The following ARL8B variants were observed in gnomAD, a reference collection of about 807,000 sequenced individuals.
The protein encoded by ARL8B is ARF like GTPase 8B.
In ARL8B, 9 loss-of-function variants were observed where a neutral mutation model predicts 30.6. The observed-to-expected ratio is 0.29, with a 90% CI of 0.18 to 0.51. The LOEUF is 0.51. ARL8B is among the 20% of genes least tolerant of loss of function. The pLI is 0.97. For synonymous variants in ARL8B, 74 were observed against 76.0 expected, an observed-to-expected ratio of 0.97 and a Z score of 0.14; for missense variants, 130 against 227.2, an observed-to-expected ratio of 0.57 and a Z score of 2.75.
intron 2 of ARL8B, among the ~76,000 whole-genome samples, chr3:5,171,130 T>C (rs913818228): frequency 1.6e-4 from 25 of 152,340 alleles, no homozygotes; most frequent in African/African-American, 5.8e-4. Context: ...ACAGAAGCTG[T>C]TCACTTTCTC....
chr3:5,124,494 C>T (rs146026431), intron 1 of ARL8B, among the ~76,000 whole-genome samples: 1 of 151,890 alleles, frequency 6.6e-6, no homozygotes, highest in Non-Finnish European at 1.5e-5. Context: ...GAGACAGGGT[C>T]TTGAGCTTTC....
chr3:5,167,398 T>G (rs2054633439), intron 1 of ARL8B, among the ~76,000 whole-genome samples: 1 of 152,208 alleles, frequency 6.6e-6, no homozygotes, highest in Non-Finnish European at 1.5e-5. Flanking sequence ...TGTGCCTAAT[T>G]TATAAATTAA....
rs1226798634 is a variant in ARL8B at position 5,179,883 on chromosome 3, A to ACTGATG, written c.*1174_*1179dup. The ACTGATG allele has an allele frequency of 6.6e-6, 1 of 152,576 alleles. No homozygotes were observed. The highest frequency in any genetic ancestry group is 1.5e-5 in the Non-Finnish European group (1 of 68,036). The allele number at this position is 152,576 out of a possible 1,614,324, so 9.5% of individuals were successfully genotyped here. ...AATCAGTCACACAGAGAACTGAGGA[A>ACTGATG]CTGATGCTGTTTGTTTGCTTCTATG... On this transcript the variant is annotated 3_prime_UTR_variant, in exon 7 of 7. Coordinates refer to ENST00000256496, the MANE Select transcript of ARL8B (RefSeq NM_018184.3).
chr3:5,172,755 CTTG>C lies in ARL8B; in HGVS notation c.372+18_372+20del, dbSNP rs748723929. 2.4e-5 allele frequency: 35 copies of C among 1,431,802 alleles called. No homozygotes were observed. The highest frequency in any genetic ancestry group is 3.3e-5 in the Non-Finnish European group (34 of 1,023,408). 88.7% of individuals were successfully genotyped at this position (1,431,802 alleles called of 1,614,324 possible). A position where few individuals can be genotyped will look rare whatever the true frequency, so the allele number is the denominator to read the frequency against. ...AAGGAATTCCAGTAAGTATGGAATA[CTTG>C]TTATTTTACATTGTAATTATATAAT... is the stretch of plus-strand genomic sequence containing the variant. On this transcript the variant is annotated intron_variant, in intron 4 of 6. Transcript: ENST00000256496.
At chr3:5,170,972 C>G (rs1458843510) in intron 2 of ARL8B, 1 of 155,740 alleles carries the variant, frequency 6.4e-6, no homozygotes, top group East Asian at 1.9e-4. Flanking sequence ...CTCAAATGAT[C>G]TGCCTGCTAC....
At chr3:5,154,587 C>T (rs1393255050) in intron 1 of ARL8B, among the ~76,000 whole-genome samples, 1 of 151,982 alleles carries the variant, frequency 6.6e-6, no homozygotes, top group Non-Finnish European at 1.5e-5. Context: ...ATGTTAAGTA[C>T]CTTCATATTG....
At chr3:5,172,439 G>T (rs1342380594) in intron 3 of ARL8B, among the ~76,000 whole-genome samples, 2 of 152,148 alleles carry the variant, frequency 1.3e-5, no homozygotes, top group Non-Finnish European at 2.9e-5. Context: ...GAGCTAAGGG[G>T]TGTACATGTT....
chr3:5,176,666 A>G lies in ARL8B; in HGVS notation c.512-1998A>G, dbSNP rs113900134. Among the ~76,000 whole-genome samples the G allele has an allele frequency of 2.5e-3, 388 of 152,356 alleles. 1 individual carries two copies. The highest frequency in any genetic ancestry group is 8.9e-3 in the African/African-American group (370 of 41,576). The stretch of plus-strand genomic sequence containing the variant: ...CAAATTTTCCTTTATAAATGGATAG[A>G]ATAATTCACTTGTTACATTGGGAGC... On this transcript the variant is annotated intron_variant, in intron 6 of 6. Coordinates refer to ENST00000256496, the MANE Select transcript of ARL8B (RefSeq NM_018184.3).
intron 1 of ARL8B, among the ~76,000 whole-genome samples, chr3:5,139,818 C>G (rs1228519005): frequency 6.6e-6 from 1 of 152,148 alleles, no homozygotes; most frequent in Non-Finnish European, 1.5e-5. Context: ...GATGTTGGAC[C>G]TGGGAATTCT....
chr3:5,166,720 T>G (rs2054628010), intron 1 of ARL8B, among the ~76,000 whole-genome samples: 1 of 152,218 alleles, frequency 6.6e-6, no homozygotes, highest in African/African-American at 2.4e-5. Context: ...CTGTTAACTT[T>G]GGTTGCTGTC....
At position 5,172,362 on chromosome 3, in the gene ARL8B, C is replaced by T. The variant is rs190363711; in HGVS notation, c.278+139C>T. 1.8e-5 allele frequency: 14 copies of T among 763,700 alleles called. No homozygotes were observed. In the East Asian group the frequency reaches 3.5e-4, roughly 19 times the overall value. 47.3% of individuals were successfully genotyped at this position (763,700 alleles called of 1,614,324 possible). On this transcript the variant is annotated intron_variant, in intron 3 of 6. Coordinates refer to ENST00000256496, the MANE Select transcript of ARL8B (RefSeq NM_018184.3). ...CTTAGCTAATATCCTAGTGTAATTC[C>T]CAACATGGGATTTAAAAAAAATTAA...
intron 3 of ARL8B, 56 bp from the exon 4 acceptor site, chr3:5,172,591 T>G (rs2054686099): frequency 8.9e-7 from 1 of 1,127,772 alleles, no homozygotes; most frequent in Admixed American, 2.0e-5. Context: ...ATAATACTAG[T>G]TGTCATCATC....
chr3:5,154,302 ATT>A (rs562567648), intron 1 of ARL8B, among the ~76,000 whole-genome samples: 4 of 145,002 alleles, frequency 2.8e-5, no homozygotes, highest in African/African-American at 1.0e-4. Flanking sequence ...AGTTTTGTTC[ATT>A]TTTTAAAAAA....
intron 4 of ARL8B, among the ~76,000 whole-genome samples, chr3:5,173,644 G>C (rs934301830): frequency 6.6e-6 from 1 of 152,190 alleles, no homozygotes; most frequent in Admixed American, 6.5e-5. Flanking sequence ...CGTGAACCCG[G>C]GAGGCAGAGC....
intron 1 of ARL8B, among the ~76,000 whole-genome samples, chr3:5,168,346 C>T (rs2054641524): frequency 6.6e-6 from 1 of 152,270 alleles, no homozygotes; most frequent in African/African-American, 2.4e-5. Flanking sequence ...GCTGGAATTA[C>T]AAGCTTGAGC....
intron 1 of ARL8B, 117 bp downstream of exon 1, chr3:5,122,705 T>C (rs999213538): frequency 2.6e-5 from 31 of 1,203,468 alleles, no homozygotes; most frequent in Admixed American, 1.1e-4. Flanking sequence ...GCGGGGGGCG[T>C]GCGAAGCTGG....
At chr3:5,127,270 A>T (rs1412474386) in intron 1 of ARL8B, among the ~76,000 whole-genome samples, 1 of 152,226 alleles carries the variant, frequency 6.6e-6, no homozygotes, top group African/African-American at 2.4e-5. Context: ...TGTACTTTCT[A>T]CTTTTCCCAC....
chr3:5,141,721 C>A (rs73002989), intron 1 of ARL8B, among the ~76,000 whole-genome samples: 1 of 152,148 alleles, frequency 6.6e-6, no homozygotes, highest in Non-Finnish European at 1.5e-5. Context: ...GAAAGTATAA[C>A]GTTTCCCACC....
At chr3:5,127,371 A>T (rs2054239160) in intron 1 of ARL8B, among the ~76,000 whole-genome samples, 1 of 152,194 alleles carries the variant, frequency 6.6e-6, no homozygotes, top group Non-Finnish European at 1.5e-5. Flanking sequence ...AATTTAATTT[A>T]AAAAATCAGC....
Sources: allele counts gnomAD v4.1 joint callset (sites outside exome capture counted in the v4.1 genomes callset), GRCh38; gene constraint gnomAD v4.1.1; transcripts MANE v1.5; gene names NCBI Gene and HGNC (gene_info 2026-07-23, HGNC 2026-07-21).